ENTREP2: variants seen among roughly 807,000 people sequenced by gnomAD.
ENTREP2 encodes protein ENTREP2.
the ENTREP2 span, among the ~76,000 whole-genome samples, chr15:29,302,581 A>G: frequency 1.9e-4 from 29 of 152,300 alleles, no homozygotes; most frequent in African/African-American, 7.0e-4. Context: ...GAGCTCTCAC[A>G]ATAGCTTCAA....
At chr15:29,326,419 T>C in the ENTREP2 span, among the ~76,000 whole-genome samples, 10 of 152,116 alleles carry the variant, frequency 6.6e-5, no homozygotes, top group African/African-American at 1.9e-4. Context: ...CTTTCCCATA[T>C]TCCAGCAATG....
the ENTREP2 span, among the ~76,000 whole-genome samples, chr15:29,521,852 A>G: frequency 1.0e-4 from 14 of 135,734 alleles, no homozygotes; most frequent in Non-Finnish European, 1.8e-4. Flanking sequence ...GAATATATAC[A>G]TACACTTAAA....
the ENTREP2 span, among the ~76,000 whole-genome samples, chr15:29,434,327 C>T: frequency 6.6e-6 from 1 of 152,182 alleles, no homozygotes; most frequent in Admixed American, 6.5e-5. Flanking sequence ...AAGATGTTCC[C>T]TGGTGCATAG....
chr15:29,439,965 T>C, the ENTREP2 span, among the ~76,000 whole-genome samples: 1 of 152,144 alleles, frequency 6.6e-6, no homozygotes, highest in Non-Finnish European at 1.5e-5. Context: ...ACCTCTGTGG[T>C]GGTCTTCCTC....
the ENTREP2 span, among the ~76,000 whole-genome samples, chr15:29,295,028 G>A: frequency 1.3e-5 from 2 of 152,328 alleles, no homozygotes; most frequent in East Asian, 3.9e-4. Context: ...GCTTCTTAGA[G>A]CCAGACCATC....
At chr15:29,563,491 C>T in the ENTREP2 span, among the ~76,000 whole-genome samples, 1 of 152,076 alleles carries the variant, frequency 6.6e-6, no homozygotes, top group Non-Finnish European at 1.5e-5. Context: ...CTCTGTTCTC[C>T]TTTCATAATT....
chr15:29,531,443 G>C, the ENTREP2 span, among the ~76,000 whole-genome samples: 2 of 152,152 alleles, frequency 1.3e-5, no homozygotes, highest in Non-Finnish European at 2.9e-5. Flanking sequence ...CAAGGGCCTA[G>C]AAGACAGGCC....
chr15:29,268,911 C>T, the ENTREP2 span: 1 of 1,614,198 alleles, frequency 6.2e-7, no homozygotes, highest in Non-Finnish European at 8.5e-7. Flanking sequence ...TGGCCACAAA[C>T]TTAAGAACTT....
the ENTREP2 span, among the ~76,000 whole-genome samples, chr15:29,599,121 T>C: frequency 1.3e-5 from 2 of 152,370 alleles, no homozygotes; most frequent in Middle Eastern, 3.4e-3. Context: ...TTTTAAACCA[T>C]ATTCTCAGCT....
At chr15:29,507,579 A>C in the ENTREP2 span, among the ~76,000 whole-genome samples, 1 of 152,372 alleles carries the variant, frequency 6.6e-6, no homozygotes, top group Non-Finnish European at 1.5e-5. Flanking sequence ...CAATCCAATT[A>C]GAACTTAGGA....
At chr15:29,309,284 T>C in the ENTREP2 span, among the ~76,000 whole-genome samples, 2 of 152,346 alleles carry the variant, frequency 1.3e-5, no homozygotes, top group African/African-American at 4.8e-5. Flanking sequence ...TTTCAGTTCC[T>C]GTAATACCAA....
chr15:29,585,797 A>C, the ENTREP2 span, among the ~76,000 whole-genome samples: 1 of 150,478 alleles, frequency 6.6e-6, no homozygotes, highest in East Asian at 2.0e-4. Flanking sequence ...CGGAACTTGC[A>C]GTGAGCCAAG....
the ENTREP2 span, among the ~76,000 whole-genome samples, chr15:29,364,399 A>G: frequency 2.0e-5 from 3 of 152,176 alleles, no homozygotes; most frequent in African/African-American, 7.2e-5. Context: ...CTGGGGTGTC[A>G]TAAGAAGTAA....
chr15:29,264,295 A>G, the ENTREP2 span, among the ~76,000 whole-genome samples: 1 of 152,106 alleles, frequency 6.6e-6, no homozygotes, highest in Non-Finnish European at 1.5e-5. Context: ...GAGTATTGAA[A>G]TATGTAATGA....
At chr15:29,561,675 G>GA in the ENTREP2 span, among the ~76,000 whole-genome samples, 1 of 147,756 alleles carries the variant, frequency 6.8e-6, no homozygotes, top group East Asian at 2.0e-4. Flanking sequence ...GCAACAGAGC[G>GA]AGACTCCATC....
the ENTREP2 span, among the ~76,000 whole-genome samples, chr15:29,642,551 A>G: frequency 1.4e-3 from 204 of 147,500 alleles, 1 homozygote; most frequent in African/African-American, 4.7e-3. Context: ...GTACATATAT[A>G]CACATATATA....
At chr15:29,221,219 T>G in the ENTREP2 span, among the ~76,000 whole-genome samples, 2 of 151,894 alleles carry the variant, frequency 1.3e-5, no homozygotes, top group Non-Finnish European at 2.9e-5. Flanking sequence ...TTTTTTTTTT[T>G]GAGACGGAGT....
the ENTREP2 span, chr15:29,613,441 G>GT: frequency 2.2e-6 from 1 of 462,220 alleles, no homozygotes. Flanking sequence ...CACTCACTGG[G>GT]TGAGGGCACA....
chr15:29,119,766 G>A, the ENTREP2 span, among the ~76,000 whole-genome samples: 1 of 150,206 alleles, frequency 6.7e-6, no homozygotes, highest in Admixed American at 6.6e-5. Context: ...CATCCTTGGG[G>A]AATGAAGAGA....
Sources: allele counts gnomAD v4.1 joint callset (sites outside exome capture counted in the v4.1 genomes callset), GRCh38; gene constraint gnomAD v4.1.1; transcripts MANE v1.5; gene names NCBI Gene and HGNC (gene_info 2026-07-23, HGNC 2026-07-21).